GREB1L: variants seen among roughly 807,000 people sequenced by gnomAD.
The protein encoded by GREB1L is GREB1 like retinoic acid receptor coactivator.
In GREB1L, 17 loss-of-function variants were observed where a neutral mutation model predicts 200.8. The ratio of observed to expected loss-of-function variants is 0.08; its 90% CI spans 0.06 to 0.13. The LOEUF (loss-of-function observed/expected upper bound fraction) is 0.13. Ranked by LOEUF, GREB1L falls within the 10% of genes least tolerant of loss-of-function variation. The pLI, the probability that GREB1L is intolerant of heterozygous loss-of-function variation, is 1.00. For synonymous variants in GREB1L, 789 were observed against 893.0 expected, an observed-to-expected ratio of 0.88 and a Z score of 2.08; for missense variants, 1,657 against 2,367.7, an observed-to-expected ratio of 0.70 and a Z score of 6.23.
At chr18:21,401,523 G>A (rs1219492697) in intron 6 of GREB1L, among the ~76,000 whole-genome samples, 197 bp downstream of exon 6, 1 of 152,150 alleles carries the variant, frequency 6.6e-6, no homozygotes, top group East Asian at 1.9e-4. Flanking sequence ...TCAAGTTTAG[G>A]AAAGTGAATG....
chr18:21,498,864 A>T (rs1236765629), intron 21 of GREB1L, among the ~76,000 whole-genome samples: 2 of 152,192 alleles, frequency 1.3e-5, no homozygotes, highest in Non-Finnish European at 2.9e-5. Flanking sequence ...ATGGCTGTTC[A>T]TTCAGGATCT....
At chr18:21,472,893 A>C in intron 15 of GREB1L, 138 bp from the exon 16 acceptor site, 1 of 552,678 alleles carries the variant, frequency 1.8e-6, no homozygotes, top group Non-Finnish European at 3.1e-6. Flanking sequence ...GAACATAAGA[A>C]AGAAAAAACA....
At chr18:21,416,072 A>T (rs2031601452) in intron 7 of GREB1L, among the ~76,000 whole-genome samples, 1 of 152,214 alleles carries the variant, frequency 6.6e-6, no homozygotes, top group Admixed American at 6.5e-5. Flanking sequence ...CAAGACAATT[A>T]TTATAACTAT....
Position 21,460,508 on chromosome 18 carries a change from G to C in GREB1L, c.2182+5945G>C, listed in dbSNP as rs2034998316. ...TTACAGGCATGCACCACCACACCTG[G>C]CTAATTTTTTTTATATAGACGGAGT... On this transcript the variant is annotated intron_variant, in intron 15 of 32. Transcript: ENST00000424526. 3.3e-5 allele frequency among the ~76,000 whole-genome samples: 5 copies of C among 152,206 alleles called. 1 individual carries two copies. In the South Asian group the frequency reaches 1.0e-3, roughly 32 times the overall value.
intron 1 of GREB1L, among the ~76,000 whole-genome samples, chr18:21,285,686 A>G (rs747898183): frequency 6.6e-6 from 1 of 152,238 alleles, no homozygotes; most frequent in Admixed American, 6.5e-5. Context: ...ATTTCTATCT[A>G]AAGCATCTTA....
At position 21,403,757 on chromosome 18, in the gene GREB1L, G is replaced by A. The variant is rs564480284; in HGVS notation, c.710-115G>A. 1.5e-4 allele frequency: 117 copies of A among 774,984 alleles called. 4 individuals carry two copies. The highest frequency in any genetic ancestry group is 1.1e-3 in the South Asian group (60 of 54,188). The allele number at this position is 774,984 out of a possible 1,614,324, so 48.0% of individuals were successfully genotyped here. On this transcript the variant is annotated intron_variant, in intron 6 of 32. Transcript: ENST00000424526. Reference sequence around the variant, plus strand: ...GGGGAAGGTGATCTCTAATTAAAGTGGCTGCCGCTTAAGGAGCAGCGATTT... The same window carrying A: ...GGGGAAGGTGATCTCTAATTAAAGTAGCTGCCGCTTAAGGAGCAGCGATTT...
At chr18:21,431,422 T>G (rs2033144460) in intron 7 of GREB1L, among the ~76,000 whole-genome samples, 8 of 152,242 alleles carry the variant, frequency 5.3e-5, no homozygotes, top group Admixed American at 5.2e-4. Flanking sequence ...AATTTGTGAA[T>G]TTCTTAAATT....
At chr18:21,492,783 G>A (rs1480943976) in intron 19 of GREB1L, among the ~76,000 whole-genome samples, 2 of 152,068 alleles carry the variant, frequency 1.3e-5, no homozygotes, top group East Asian at 3.9e-4. Context: ...CAACAAGTAC[G>A]TATAAGAGTG....
intron 1 of GREB1L, among the ~76,000 whole-genome samples, chr18:21,312,774 G>C (rs945153199): frequency 2.6e-5 from 4 of 152,104 alleles, no homozygotes; most frequent in African/African-American, 4.8e-5. Flanking sequence ...GGATGGTCTT[G>C]ATCTCTTGAG....
At chr18:21,446,916 A>G (rs1303587100) in intron 11 of GREB1L, among the ~76,000 whole-genome samples, 1 of 152,218 alleles carries the variant, frequency 6.6e-6, no homozygotes, top group Non-Finnish European at 1.5e-5. Context: ...TTTGAAGTAG[A>G]TAATGAAATC....
intron 7 of GREB1L, among the ~76,000 whole-genome samples, chr18:21,426,036 T>G (rs2032539328): frequency 1.3e-5 from 2 of 151,368 alleles, no homozygotes; most frequent in Non-Finnish European, 2.9e-5. Context: ...TACATTTAGA[T>G]GTATAATCTA....
At chr18:21,495,821 T>A in intron 20 of GREB1L, 36 bp downstream of exon 20, 2 of 1,181,210 alleles carry the variant, frequency 1.7e-6, no homozygotes, top group Non-Finnish European at 2.4e-6. Flanking sequence ...TTTTCATCAG[T>A]TGCCCAGCTG....
intron 1 of GREB1L, among the ~76,000 whole-genome samples, chr18:21,269,788 T>G (rs1163116251): frequency 6.6e-6 from 1 of 152,216 alleles, no homozygotes; most frequent in Non-Finnish European, 1.5e-5. Flanking sequence ...TATATGATTC[T>G]TAGCAACAGT....
intron 19 of GREB1L, 96 bp downstream of exon 19, chr18:21,490,447 A>G (rs1425571804): frequency 2.1e-6 from 2 of 950,582 alleles, no homozygotes; most frequent in African/African-American, 3.3e-5. Context: ...GTTTAATAGA[A>G]TCACATGTGT....
intron 23 of GREB1L, 66 bp downstream of exon 23, chr18:21,500,708 G>T (rs1598935359): frequency 5.0e-6 from 6 of 1,191,366 alleles, no homozygotes; most frequent in Non-Finnish European, 7.0e-6. Flanking sequence ...GCAAATCCCG[G>T]GAACTTGCTT....
intron 1 of GREB1L, among the ~76,000 whole-genome samples, chr18:21,325,906 A>G (rs2144972805): frequency 6.6e-6 from 1 of 152,014 alleles, no homozygotes; most frequent in Non-Finnish European, 1.5e-5. Flanking sequence ...TCTCTATGAC[A>G]AATTCCCTAG....
chr18:21,508,629 A>T, intron 27 of GREB1L, 38 bp downstream of exon 27: 1 of 1,510,656 alleles, frequency 6.6e-7, no homozygotes, highest in Non-Finnish European at 9.0e-7. Flanking sequence ...AGGGCTTCGA[A>T]GATAAACTGA....
chr18:21,259,121 G>T (rs540131243), intron 1 of GREB1L, among the ~76,000 whole-genome samples: 1 of 152,254 alleles, frequency 6.6e-6, no homozygotes, highest in African/African-American at 2.4e-5. Context: ...GAAAGCTAAA[G>T]TTCACATATT....
At chr18:21,512,233 G>A (rs2146062826) in intron 27 of GREB1L, among the ~76,000 whole-genome samples, 1 of 152,266 alleles carries the variant, frequency 6.6e-6, no homozygotes, top group South Asian at 2.1e-4. Flanking sequence ...AAAGTCTTTG[G>A]GATTTTGATA....
Sources: allele counts gnomAD v4.1 joint callset (sites outside exome capture counted in the v4.1 genomes callset), GRCh38; gene constraint gnomAD v4.1.1; transcripts MANE v1.5; gene names NCBI Gene and HGNC (gene_info 2026-07-23, HGNC 2026-07-21).